TNFRSF10B: variants seen among roughly 807,000 people sequenced by gnomAD.
TNFRSF10B encodes the protein tumor necrosis factor receptor superfamily member 10B.
TNFRSF10B carries 35 observed loss-of-function variants against 41.4 expected under a neutral mutation model. The ratio of observed to expected loss-of-function variants is 0.85; its 90% CI spans 0.65 to 1.12. TNFRSF10B has a LOEUF of 1.12. Among genes scored for constraint, TNFRSF10B ranks in the 50% most tolerant of loss-of-function variants. The probability of loss-of-function intolerance (pLI) is 0.00; values close to 1 mark genes in which losing one functional copy is unlikely to be tolerated. For missense variants in TNFRSF10B, 584 were observed against 552.7 expected (o/e 1.06, Z -0.57); for synonymous variants, 230 against 215.5 (o/e 1.07, Z -0.59).
chr8:23,056,071 G>A (rs1024639812), intron 1 of TNFRSF10B, among the ~76,000 whole-genome samples: 8 of 152,062 alleles, frequency 5.3e-5, no homozygotes, highest in East Asian at 1.9e-4. Flanking sequence ...ATAGCAGCCC[G>A]ACCCTCAGTT....
chr8:23,020,284 A>G lies in TNFRSF10B; in HGVS notation c.*2387T>C. 1 of 454,166 alleles carries G rather than the reference A, an allele frequency of 2.2e-6. No homozygotes were observed. Among genetic ancestry groups the G allele is most frequent in the Non-Finnish European group, 4.4e-6 (1 of 226,794 alleles). 28.1% of individuals were successfully genotyped at this position (454,166 alleles called of 1,614,324 possible). On this transcript the variant is annotated 3_prime_UTR_variant, in exon 9 of 9. Coordinates refer to ENST00000276431, the MANE Select transcript of TNFRSF10B (RefSeq NM_003842.5). The stretch of plus-strand genomic sequence containing the variant: ...CATGAAAGGACACCAACCACGAGTG[A>G]CACACTATACTATGGCTGTCCTGTG...
chr8:23,050,967 G>A (rs1381147365), intron 1 of TNFRSF10B, among the ~76,000 whole-genome samples: 1 of 152,196 alleles, frequency 6.6e-6, no homozygotes, highest in African/African-American at 2.4e-5. Flanking sequence ...CCAGCTACTT[G>A]GGAGGCTGAG....
chr8:23,051,544 A>ACC (rs1161661473), intron 1 of TNFRSF10B, among the ~76,000 whole-genome samples: 5 of 140,228 alleles, frequency 3.6e-5, no homozygotes, highest in Non-Finnish European at 7.7e-5. Context: ...TTAGTAAAAT[A>ACC]CTCTTTTTTT....
chr8:23,067,116 T>C (rs1346386826), intron 1 of TNFRSF10B, among the ~76,000 whole-genome samples: 1 of 151,828 alleles, frequency 6.6e-6, no homozygotes, highest in Non-Finnish European at 1.5e-5. Flanking sequence ...GTAGCTGGGA[T>C]TGCAGGTGCC....
rs754588771 is a variant in TNFRSF10B, at chr8:23,022,852, G to A, written c.1142C>T (p.Thr381Ile). Residue 381 changes from threonine to isoleucine, a missense_variant, in exon 9 of 9, where the codon ACC (threonine) becomes ATC (isoleucine). Physicochemically the swap from Thr to Ile is moderately conservative, Grantham distance 89. Coordinates refer to ENST00000276431, the MANE Select transcript of TNFRSF10B (RefSeq NM_003842.5). The stretch of plus-strand genomic sequence containing the variant: ...CCACTTTATCAGCATCGTGTACAAG[G>A]TGTCCCTGTGGCCCGCTGCCTCAGC... The part of the protein sequence containing the change: ...AKAEAAGHRD[T>I]LYTMLIKWVN... The A allele has an allele frequency of 5.6e-6, 9 of 1,614,060 alleles. No homozygotes were observed. The Admixed American group carries it at 1.2e-4, about 21-fold the overall frequency.
intron 1 of TNFRSF10B, among the ~76,000 whole-genome samples, chr8:23,055,433 G>C (rs911487714): frequency 6.6e-6 from 1 of 151,082 alleles, no homozygotes; most frequent in Non-Finnish European, 1.5e-5. Context: ...TGACAGTGGG[G>C]ATTGTAGCAG....
At chr8:23,055,557 A>G (rs1195129733) in intron 1 of TNFRSF10B, among the ~76,000 whole-genome samples, 2 of 149,344 alleles carry the variant, frequency 1.3e-5, no homozygotes, top group Non-Finnish European at 3.0e-5. Context: ...CCCTTATACA[A>G]AGGCTGGAAT....
rs6996749 is a variant in TNFRSF10B, at chr8:23,059,483, T to C, written c.144+9268A>G. Among the ~76,000 whole-genome samples, 1,483 of 151,850 alleles carry C rather than the reference T, an allele frequency of 9.8e-3. 29 individuals carry two copies. Among genetic ancestry groups the C allele is most frequent in the African/African-American group, 0.034 (1,402 of 41,418 alleles). On this transcript the variant is annotated intron_variant, in intron 1 of 8. Coordinates refer to ENST00000276431, the MANE Select transcript of TNFRSF10B (RefSeq NM_003842.5). Reference sequence around the variant, plus strand: ...ACGAGGGTTCCAACTTCTCTACAAATTTGCTAATGCTTATTGTGTGTGTGT... The same window carrying C: ...ACGAGGGTTCCAACTTCTCTACAAACTTGCTAATGCTTATTGTGTGTGTGT...
chr8:23,051,285 C>A (rs1315287046), intron 1 of TNFRSF10B, among the ~76,000 whole-genome samples: 1 of 152,110 alleles, frequency 6.6e-6, no homozygotes, highest in Non-Finnish European at 1.5e-5. Context: ...AATAAGTAAG[C>A]TGGTTTTAAA....
rs201605057 is a variant in TNFRSF10B at position 23,026,272 on chromosome 8, T to TG, written c.936+860_936+861insC. Reference sequence around the variant, plus strand: ...TTTTCAAGGATAAGATCTAGTTTTTTTTTGTTTGTTTGTTTTTTTAAAAAA... The same window carrying TG: ...TTTTCAAGGATAAGATCTAGTTTTTTGTTTGTTTGTTTGTTTTTTTAAAAAA... On this transcript the variant is annotated intron_variant, in intron 7 of 8. Coordinates refer to ENST00000276431, the MANE Select transcript of TNFRSF10B (RefSeq NM_003842.5). Among the ~76,000 whole-genome samples the TG allele has an allele frequency of 8.2e-4, 125 of 151,914 alleles. 1 individual carries two copies. The highest frequency in any genetic ancestry group is 1.9e-3 in the African/African-American group (79 of 41,426).
chr8:23,050,369 A>G (rs1227930121), intron 1 of TNFRSF10B, among the ~76,000 whole-genome samples: 2 of 152,184 alleles, frequency 1.3e-5, no homozygotes, highest in Non-Finnish European at 2.9e-5. Flanking sequence ...CTCTGCTGAG[A>G]GGCCTCTGGG....
At chr8:23,061,818 A>G (rs963357464) in intron 1 of TNFRSF10B, among the ~76,000 whole-genome samples, 15 of 152,176 alleles carry the variant, frequency 9.9e-5, no homozygotes, top group Non-Finnish European at 1.9e-4. Flanking sequence ...CCTTCATTCT[A>G]TTAATGCAAT....
At chr8:23,031,226 C>G (rs781331789) in intron 2 of TNFRSF10B, among the ~76,000 whole-genome samples, 1 of 152,018 alleles carries the variant, frequency 6.6e-6, no homozygotes, top group Non-Finnish European at 1.5e-5. Context: ...CAGGCACACA[C>G]TACCACACCT....
At chr8:23,055,785 G>C (rs1233960266) in intron 1 of TNFRSF10B, among the ~76,000 whole-genome samples, 1 of 152,110 alleles carries the variant, frequency 6.6e-6, no homozygotes, top group Non-Finnish European at 1.5e-5. Flanking sequence ...CCAGCACCTG[G>C]ACCCATTTAG....
chr8:23,033,620 A>AAAAAAAAAAAAAAAAAAAAAAAAG lies in TNFRSF10B; in HGVS notation c.251-2749_251-2748insCTTTTTTTTTTTTTTTTTTTTTTT, dbSNP rs1563310598. Among the ~76,000 whole-genome samples, 2 of 107,668 alleles carry AAAAAAAAAAAAAAAAAAAAAAAAG rather than the reference A, an allele frequency of 1.9e-5. 1 individual carries two copies. Among genetic ancestry groups the AAAAAAAAAAAAAAAAAAAAAAAAG allele is most frequent in the African/African-American group, 6.3e-5 (2 of 31,714 alleles). The allele number at this position is 107,668 out of a possible 152,430, so 70.6% of individuals were successfully genotyped here. A position where few individuals can be genotyped will look rare whatever the true frequency, so the allele number is the denominator to read the frequency against. On this transcript the variant is annotated intron_variant, in intron 2 of 8. Transcript: ENST00000276431. ...AAAAAAAAAAAAAAAAAAAAAAAAA[A>AAAAAAAAAAAAAAAAAAAAAAAAG]AGAACCCTGGAAAAGGTAACTATTT...
At chr8:23,056,650 C>CAAA (rs36035737) in intron 1 of TNFRSF10B, among the ~76,000 whole-genome samples, 2 of 122,730 alleles carry the variant, frequency 1.6e-5, no homozygotes, top group African/African-American at 6.0e-5. Flanking sequence ...GACTCCATCT[C>CAAA]AAAAAAAAAA....
At chr8:23,060,593 A>G (rs1812804691) in intron 1 of TNFRSF10B, among the ~76,000 whole-genome samples, 1 of 152,184 alleles carries the variant, frequency 6.6e-6, no homozygotes, top group African/African-American at 2.4e-5. Flanking sequence ...CTACATTTTT[A>G]TTCATTTTCA....
At chr8:23,054,958 T>C (rs925444171) in intron 1 of TNFRSF10B, among the ~76,000 whole-genome samples, 1 of 152,192 alleles carries the variant, frequency 6.6e-6, no homozygotes, top group Non-Finnish European at 1.5e-5. Context: ...TGATTTGTCT[T>C]TTAATAAAAA....
At chr8:23,054,992 T>C (rs1013612189) in intron 1 of TNFRSF10B, among the ~76,000 whole-genome samples, 1 of 152,206 alleles carries the variant, frequency 6.6e-6, no homozygotes, top group African/African-American at 2.4e-5. Flanking sequence ...AGAAAAATTA[T>C]GTTTCAAAAA....
Sources: gnomAD v4.1 joint callset for allele counts (sites outside exome capture counted in the v4.1 genomes callset) on GRCh38, gnomAD v4.1.1 for gene constraint, MANE v1.5 for transcripts, NCBI Gene and HGNC (gene_info 2026-07-23, HGNC 2026-07-21) for gene names.